The following A1CF variants were observed in gnomAD, a reference collection of about 807,000 sequenced individuals.
A1CF encodes the protein APOBEC-1 stimulating protein.
In A1CF, 48 loss-of-function variants were observed where a neutral mutation model predicts 68.9. The ratio of observed to expected loss-of-function variants is 0.70; its 90% CI spans 0.55 to 0.89. A1CF has a LOEUF of 0.89. Ranked by LOEUF, A1CF falls within the 40% of genes least tolerant of loss-of-function variation. A1CF has a pLI of 0.00. For missense variants in A1CF, 653 were observed against 718.9 expected (o/e 0.91, Z 1.05); for synonymous variants, 272 against 260.4 (o/e 1.04, Z -0.43).
intron 1 of A1CF, among the ~76,000 whole-genome samples, chr10:50,872,260 C>T (rs1841303208): frequency 6.6e-6 from 1 of 152,040 alleles, no homozygotes; most frequent in Non-Finnish European, 1.5e-5. Flanking sequence ...ACATAGCTAA[C>T]ATTTACTGAA....
intron 3 of A1CF, among the ~76,000 whole-genome samples, chr10:50,848,890 T>C (rs1027773677): frequency 6.6e-6 from 1 of 152,194 alleles, no homozygotes; most frequent in African/African-American, 2.4e-5. Flanking sequence ...ACAGTGGTTC[T>C]GTGATCAGAC....
chr10:50,830,374 G>A (rs892913493), intron 6 of A1CF, among the ~76,000 whole-genome samples: 25 of 152,072 alleles, frequency 1.6e-4, no homozygotes, highest in African/African-American at 6.0e-4. Context: ...TGTAAAGATT[G>A]ACTAATATTC....
At chr10:50,827,546 C>T (rs904572101) in intron 7 of A1CF, among the ~76,000 whole-genome samples, 6 of 152,046 alleles carry the variant, frequency 3.9e-5, no homozygotes, top group East Asian at 1.9e-4. Context: ...GAGTACACAA[C>T]GAAATGAAGG....
At chr10:50,816,649 G>T (rs1838386673) in intron 8 of A1CF, among the ~76,000 whole-genome samples, 1 of 152,094 alleles carries the variant, frequency 6.6e-6, no homozygotes, top group Non-Finnish European at 1.5e-5. Flanking sequence ...GACAATTTAG[G>T]TTTGTTATGG....
chr10:50,828,819 A>G (rs138179456), intron 6 of A1CF, among the ~76,000 whole-genome samples: 2 of 152,202 alleles, frequency 1.3e-5, no homozygotes, highest in African/African-American at 4.8e-5. Context: ...AGGCATCCTT[A>G]ATTTGTTCTC....
At chr10:50,883,271 A>G (rs1191715596) in intron 1 of A1CF, among the ~76,000 whole-genome samples, 1 of 152,144 alleles carries the variant, frequency 6.6e-6, no homozygotes, top group Non-Finnish European at 1.5e-5. Context: ...CGGGGACCAC[A>G]TTTCTCTCCT....
chr10:50,828,861 G>T (rs1266068902), intron 6 of A1CF, among the ~76,000 whole-genome samples: 1 of 152,110 alleles, frequency 6.6e-6, no homozygotes. Context: ...GCTTAGATCA[G>T]CTGTGTTCCC....
chr10:50,829,904 C>A (rs1327490719), intron 6 of A1CF, among the ~76,000 whole-genome samples: 1 of 152,110 alleles, frequency 6.6e-6, no homozygotes, highest in African/African-American at 2.4e-5. Context: ...TTTTTCCTTC[C>A]CATCTTTTTA....
intron 3 of A1CF, among the ~76,000 whole-genome samples, chr10:50,852,898 A>T (rs888478432): frequency 1.2e-4 from 19 of 152,284 alleles, no homozygotes; most frequent in African/African-American, 4.6e-4. Context: ...ACATTATCTC[A>T]AACCGGAAAG....
chr10:50,824,748 A>C (rs989982927), intron 7 of A1CF, among the ~76,000 whole-genome samples: 12 of 152,176 alleles, frequency 7.9e-5, no homozygotes, highest in Non-Finnish European at 1.5e-5. Flanking sequence ...CATGCCCTTT[A>C]CCAGACCTGA....
At position 50,804,838 on chromosome 10, in the gene A1CF, A is replaced by G. The variant is rs1837748061; in HGVS notation, c.*1891T>C. ...TAGCAATTCCCAAACCTAGGTGCAC[A>G]TTGAAATCACCTAGGGATCATTAAA... On this transcript the variant is annotated 3_prime_UTR_variant, in exon 13 of 13. Transcript: ENST00000373997. 2 of 152,232 alleles carry G rather than the reference A, an allele frequency of 1.3e-5. No homozygotes were observed. The highest frequency in any genetic ancestry group is 4.8e-5 in the African/African-American group (2 of 41,472). 9.4% of individuals were successfully genotyped at this position (152,232 alleles called of 1,614,324 possible). A position where few individuals can be genotyped will look rare whatever the true frequency, so the allele number is the denominator to read the frequency against.
intron 3 of A1CF, among the ~76,000 whole-genome samples, chr10:50,850,260 T>A (rs1262122387): frequency 6.6e-6 from 1 of 152,248 alleles, no homozygotes; most frequent in Non-Finnish European, 1.5e-5. Context: ...AGGAAATTAA[T>A]CCCAATTTCA....
At chr10:50,825,578 A>G (rs1488535476) in intron 7 of A1CF, among the ~76,000 whole-genome samples, 1 of 152,146 alleles carries the variant, frequency 6.6e-6, no homozygotes, top group East Asian at 1.9e-4. Context: ...AGATTGTAGA[A>G]TTAATGTTCT....
chr10:50,847,916 G>A (rs1326004686), intron 3 of A1CF, among the ~76,000 whole-genome samples: 1 of 152,020 alleles, frequency 6.6e-6, no homozygotes, highest in East Asian at 1.9e-4. Context: ...CCTTGAATTG[G>A]ATTCTCCACA....
intron 10 of A1CF, 85 bp downstream of exon 10, chr10:50,813,772 G>A: frequency 7.1e-7 from 1 of 1,412,766 alleles, no homozygotes; most frequent in Non-Finnish European, 9.9e-7. Flanking sequence ...AGCTTGAGTA[G>A]GGATCAAGTC....
rs80080606 is a variant in A1CF at position 50,804,764 on chromosome 10, G to A, written c.*1965C>T. ...TTGCATTTTTCTATTTACTAAAAGT[G>A]AAATAAAAAGGAAAAGAAATAAAGA... On this transcript the variant is annotated 3_prime_UTR_variant, in exon 13 of 13. Transcript: ENST00000373997. The A allele has an allele frequency of 6.6e-6, 1 of 151,890 alleles. No homozygotes were observed. Among genetic ancestry groups the A allele is most frequent in the African/African-American group, 2.4e-5 (1 of 41,328 alleles). 9.4% of individuals were successfully genotyped at this position (151,890 alleles called of 1,614,324 possible).
At chr10:50,820,512 T>G in intron 8 of A1CF, 40 bp downstream of exon 8, 1 of 1,576,422 alleles carries the variant, frequency 6.3e-7, no homozygotes, top group Non-Finnish European at 8.7e-7. Flanking sequence ...ACACCAAACT[T>G]GGATGTAATC....
At chr10:50,859,722 G>A (rs1162976252) in intron 3 of A1CF, 120 bp downstream of exon 3, 18 of 778,844 alleles carry the variant, frequency 2.3e-5, no homozygotes, top group Middle Eastern at 2.4e-4. Context: ...CTTTTAGAAA[G>A]GGACATTTCT....
At chr10:50,839,561 A>G (rs2132443180) in intron 5 of A1CF, among the ~76,000 whole-genome samples, 1 of 152,306 alleles carries the variant, frequency 6.6e-6, no homozygotes, top group South Asian at 2.1e-4. Flanking sequence ...AGATCTCCTG[A>G]TTCCTACTGC....
Sources: allele counts gnomAD v4.1 joint callset (sites outside exome capture counted in the v4.1 genomes callset), GRCh38; gene constraint gnomAD v4.1.1; transcripts MANE v1.5; gene names NCBI Gene and HGNC (gene_info 2026-07-23, HGNC 2026-07-21).